MYBL1: variants seen among roughly 807,000 people sequenced by gnomAD.
The protein encoded by MYBL1 is myb-related protein A.
In MYBL1, 17 loss-of-function variants were observed where a neutral mutation model predicts 96.3. The ratio of observed to expected loss-of-function variants is 0.18; its 90% CI spans 0.12 to 0.26. MYBL1 has a LOEUF of 0.26. MYBL1 is among the 10% of genes least tolerant of loss of function. The pLI, the probability that MYBL1 is intolerant of heterozygous loss-of-function variation, is 1.00. For synonymous variants in MYBL1, 282 were observed against 292.7 expected, an observed-to-expected ratio of 0.96 and a Z score of 0.37; for missense variants, 701 against 882.9, an observed-to-expected ratio of 0.79 and a Z score of 2.61.
chr8:66,607,740 A>C (rs115483379), intron 1 of MYBL1, among the ~76,000 whole-genome samples: 209 of 152,122 alleles, frequency 1.4e-3, no homozygotes, highest in African/African-American at 4.6e-3. Flanking sequence ...GAATTTTAAG[A>C]AGCAGAACCT....
At chr8:66,567,216 A>G (rs1371128510) in intron 12 of MYBL1, among the ~76,000 whole-genome samples, 1 of 152,224 alleles carries the variant, frequency 6.6e-6, no homozygotes, top group Non-Finnish European at 1.5e-5. Context: ...CTACTAAACA[A>G]AAATCTTCCT....
Position 66,606,150 on chromosome 8 carries a change from G to T in MYBL1, c.21-3627C>A, listed in dbSNP as rs765967255. Among the ~76,000 whole-genome samples the T allele has an allele frequency of 3.9e-5, 6 of 152,266 alleles. No homozygotes were observed. The South Asian group carries it at 1.0e-3, about 26-fold the overall frequency. ...AAGTTCATTTTGGAATCAGAACAAGGTTCTGGTTCTAACTTAATTACTCAC... is the reference window on the plus strand; with the variant it reads ...AAGTTCATTTTGGAATCAGAACAAGTTTCTGGTTCTAACTTAATTACTCAC... On this transcript the variant is annotated intron_variant, in intron 1 of 15. Coordinates refer to ENST00000522677, the MANE Select transcript of MYBL1 (RefSeq NM_001080416.4).
At chr8:66,582,165 G>A (rs1436308331) in intron 8 of MYBL1, among the ~76,000 whole-genome samples, 1 of 152,018 alleles carries the variant, frequency 6.6e-6, no homozygotes, top group Non-Finnish European at 1.5e-5. Flanking sequence ...TTAACAAAAT[G>A]AAAAGAGTAA....
chr8:66,594,766 A>T (rs1014945458), intron 6 of MYBL1, among the ~76,000 whole-genome samples: 2 of 152,202 alleles, frequency 1.3e-5, no homozygotes, highest in African/African-American at 4.8e-5. Context: ...GTTCTTTTAA[A>T]ATGATGCTTA....
At chr8:66,608,151 T>C (rs887378439) in intron 1 of MYBL1, among the ~76,000 whole-genome samples, 15 of 152,190 alleles carry the variant, frequency 9.9e-5, no homozygotes, top group Admixed American at 2.6e-4. Flanking sequence ...CAAAGAGTAA[T>C]TTTCCTAAAA....
intron 10 of MYBL1, 77 bp downstream of exon 10, chr8:66,575,930 G>A: frequency 7.0e-7 from 1 of 1,419,616 alleles, no homozygotes; most frequent in East Asian, 2.3e-5. Context: ...GCTACCAACT[G>A]CTAGTAAGGA....
At chr8:66,586,200 C>T (rs1809415550) in intron 8 of MYBL1, among the ~76,000 whole-genome samples, 1 of 151,862 alleles carries the variant, frequency 6.6e-6, no homozygotes, top group Non-Finnish European at 1.5e-5. Flanking sequence ...TGCTCACCAC[C>T]ACGCCTGGCT....
intron 1 of MYBL1, among the ~76,000 whole-genome samples, chr8:66,603,385 T>C: frequency 6.6e-6 from 1 of 151,348 alleles, no homozygotes; most frequent in East Asian, 1.9e-4. Context: ...CAATTAACAA[T>C]ACCAACAATA....
At chr8:66,575,938 G>A in intron 10 of MYBL1, 69 bp downstream of exon 10, 1 of 1,474,138 alleles carries the variant, frequency 6.8e-7, no homozygotes, top group Non-Finnish European at 9.2e-7. Flanking sequence ...CTGCTAGTAA[G>A]GATGTTAAAG....
chr8:66,606,790 T>G (rs1411541912), intron 1 of MYBL1, among the ~76,000 whole-genome samples: 2 of 138,428 alleles, frequency 1.4e-5, no homozygotes, highest in African/African-American at 6.0e-5. Context: ...TACATGGCTG[T>G]TTTTTTTTTT....
chr8:66,594,983 T>G (rs532723384), intron 6 of MYBL1, among the ~76,000 whole-genome samples: 48 of 152,238 alleles, frequency 3.2e-4, no homozygotes, highest in African/African-American at 1.2e-3. Flanking sequence ...ACAAATCTCA[T>G]GAAGACTCCT....
chr8:66,602,617 T>C, intron 1 of MYBL1, 94 bp from the exon 2 acceptor site: 1 of 635,558 alleles, frequency 1.6e-6, no homozygotes. Context: ...ACTGAAGAAA[T>C]CATACAGACT....
In MYBL1 at chr8:66,562,956, A is replaced by G. The variant is rs1196151466; in HGVS notation, c.*1741T>C. 6.7e-6 allele frequency: 1 copy of G among 150,294 alleles called. No individual in the cohort carries two copies. Among genetic ancestry groups the G allele is most frequent in the Non-Finnish European group, 1.5e-5 (1 of 67,588 alleles). The allele number at this position is 150,294 out of a possible 1,614,324, so 9.3% of individuals were successfully genotyped here. ...TATATAAAATATGCAAAAACTAGCA[A>G]GTAGATTTAAATAGCTTAAAACCCT... On this transcript the variant is annotated 3_prime_UTR_variant, in exon 16 of 16. Coordinates refer to ENST00000522677, the MANE Select transcript of MYBL1 (RefSeq NM_001080416.4).
intron 8 of MYBL1, among the ~76,000 whole-genome samples, chr8:66,588,825 T>TCC (rs1334495476): frequency 6.6e-6 from 1 of 152,140 alleles, no homozygotes; most frequent in African/African-American, 2.4e-5. Flanking sequence ...ATCAAGACCA[T>TCC]CCTGGCCAAC....
intron 15 of MYBL1, 92 bp downstream of exon 15, chr8:66,565,972 A>C: frequency 1.1e-6 from 1 of 913,976 alleles, no homozygotes. Context: ...TTTTGAATTT[A>C]AAAGAAAAAG....
chr8:66,567,117 T>C lies in MYBL1; in HGVS notation c.1729-125A>G, dbSNP rs1808535867. Reference sequence around the variant, plus strand: ...ATAATTTTCTCCTAGCCCCTATAGATACATTAATTAAATTAATTCATGTTG... The same window carrying C: ...ATAATTTTCTCCTAGCCCCTATAGACACATTAATTAAATTAATTCATGTTG... On this transcript the variant is annotated intron_variant, in intron 12 of 15. Coordinates refer to ENST00000522677, the MANE Select transcript of MYBL1 (RefSeq NM_001080416.4). 1.3e-5 allele frequency: 8 copies of C among 597,032 alleles called. 1 individual carries two copies. The South Asian group carries it at 1.9e-4, about 14-fold the overall frequency. 37.0% of individuals were successfully genotyped at this position (597,032 alleles called of 1,614,324 possible). A position where few individuals can be genotyped will look rare whatever the true frequency, so the allele number is the denominator to read the frequency against.
intron 5 of MYBL1, 31 bp downstream of exon 5, chr8:66,597,299 C>A (rs1313867526): frequency 2.1e-6 from 3 of 1,435,116 alleles, no homozygotes; most frequent in South Asian, 2.8e-5. Context: ...TGTTTAAGTA[C>A]AGAAAAATAT....
intron 12 of MYBL1, among the ~76,000 whole-genome samples, chr8:66,568,249 G>A (rs187854667): frequency 3.9e-5 from 6 of 152,072 alleles, no homozygotes; most frequent in Admixed American, 2.6e-4. Flanking sequence ...TAGTGTTTCC[G>A]TATACTTCTC....
chr8:66,579,884 C>G (rs1479685156), intron 9 of MYBL1, among the ~76,000 whole-genome samples: 1 of 151,998 alleles, frequency 6.6e-6, no homozygotes, highest in African/African-American at 2.4e-5. Context: ...TTCCAGCTTT[C>G]TCTAATGCAC....
Sources: gnomAD v4.1 joint callset for allele counts (sites outside exome capture counted in the v4.1 genomes callset) on GRCh38, gnomAD v4.1.1 for gene constraint, MANE v1.5 for transcripts, NCBI Gene and HGNC (gene_info 2026-07-23, HGNC 2026-07-21) for gene names.